MSI2: variants seen among roughly 807,000 people sequenced by gnomAD.
MSI2 encodes musashi RNA binding protein 2.
MSI2 carries 17 observed loss-of-function variants against 45.6 expected under a neutral mutation model. The ratio of observed to expected loss-of-function variants is 0.37; its 90% CI spans 0.26 to 0.56. The LOEUF is 0.56. Ranked by LOEUF, MSI2 falls within the 20% of genes least tolerant of loss-of-function variation. The pLI is 0.77. For missense variants in MSI2, 293 were observed against 444.2 expected (o/e 0.66, Z 3.06); for synonymous variants, 156 against 158.2 (o/e 0.99, Z 0.11).
At chr17:57,474,339 A>T (rs1339256989) in intron 6 of MSI2, among the ~76,000 whole-genome samples, 1 of 152,092 alleles carries the variant, frequency 6.6e-6, no homozygotes, top group Non-Finnish European at 1.5e-5. Context: ...TCCCCCACAA[A>T]ATGACAGAGC....
chr17:57,446,103 C>A (rs1372214905), intron 6 of MSI2, among the ~76,000 whole-genome samples: 1 of 151,910 alleles, frequency 6.6e-6, no homozygotes, highest in Non-Finnish European at 1.5e-5. Flanking sequence ...CCGATCGGTG[C>A]AGAGGAAATG....
intron 5 of MSI2, among the ~76,000 whole-genome samples, chr17:57,386,866 G>T (rs1424567430): frequency 6.6e-6 from 1 of 152,214 alleles, no homozygotes; most frequent in Admixed American, 6.5e-5. Context: ...GGACAAATGA[G>T]GTTTAACTGT....
At chr17:57,279,946 C>T (rs557482677) in intron 5 of MSI2, 1 of 151,706 alleles carries the variant, frequency 6.6e-6, no homozygotes, top group East Asian at 1.9e-4. Flanking sequence ...AGTGCCTGGC[C>T]TGATTCATGA....
intron 6 of MSI2, among the ~76,000 whole-genome samples, chr17:57,458,051 A>C (rs1239159947): frequency 6.6e-6 from 1 of 152,084 alleles, no homozygotes; most frequent in Non-Finnish European, 1.5e-5. Context: ...TATTGCATAT[A>C]TATAAGTACA....
intron 6 of MSI2, among the ~76,000 whole-genome samples, chr17:57,462,974 G>A (rs1227899357): frequency 4.6e-5 from 7 of 152,228 alleles, no homozygotes; most frequent in East Asian, 1.9e-4. Flanking sequence ...GGAGACTCCC[G>A]CTTGGATGTC....
intron 6 of MSI2, among the ~76,000 whole-genome samples, chr17:57,460,879 T>C (rs1598296077): frequency 6.6e-6 from 1 of 151,992 alleles, no homozygotes; most frequent in Non-Finnish European, 1.5e-5. Context: ...AGGCTCTGGG[T>C]GGTGCATTTC....
chr17:57,476,099 A>T (rs2085531805), intron 6 of MSI2, among the ~76,000 whole-genome samples: 1 of 152,322 alleles, frequency 6.6e-6, no homozygotes, highest in South Asian at 2.1e-4. Flanking sequence ...TTGGCACAAA[A>T]GGGCAGTTTA....
At chr17:57,653,049 G>A (rs1598494668) in intron 11 of MSI2, among the ~76,000 whole-genome samples, 1 of 147,982 alleles carries the variant, frequency 6.8e-6, no homozygotes, top group East Asian at 2.2e-4. Context: ...GGGCTCTGGA[G>A]CACCCAGGGA....
intron 6 of MSI2, among the ~76,000 whole-genome samples, chr17:57,510,949 G>A (rs2086341341): frequency 6.6e-6 from 1 of 152,218 alleles, no homozygotes; most frequent in African/African-American, 2.4e-5. Context: ...CTCTCTGGAG[G>A]TGGGAGGGAG....
chr17:57,642,648 G>A (rs955342738), intron 10 of MSI2, among the ~76,000 whole-genome samples: 6 of 152,224 alleles, frequency 3.9e-5, no homozygotes, highest in African/African-American at 1.4e-4. Context: ...CCCCTTTGCT[G>A]TCCACAGCTA....
chr17:57,638,029 G>A (rs1370664949), intron 10 of MSI2, among the ~76,000 whole-genome samples: 1 of 152,314 alleles, frequency 6.6e-6, no homozygotes, highest in East Asian at 1.9e-4. Flanking sequence ...GCAAAAACAC[G>A]TGAAAGGCTG....
At chr17:57,258,415 C>A (rs548733496) in intron 4 of MSI2, 61 bp downstream of exon 4, 1 of 1,370,068 alleles carries the variant, frequency 7.3e-7, no homozygotes, top group East Asian at 2.3e-5. Flanking sequence ...GCATTGACAG[C>A]CCCATTTAAA....
In MSI2 at chr17:57,497,833, A is replaced by G. The variant is rs536375242; in HGVS notation, c.406-31843A>G. ...GTCCGGACAAGCTGATGACAGCGTC[A>G]GCCCTGGTGTTCCCATAGATGCCTA... On this transcript the variant is annotated intron_variant, in intron 6 of 13. Transcript: ENST00000284073. Among the ~76,000 whole-genome samples, 56 of 152,320 alleles carry G rather than the reference A, an allele frequency of 3.7e-4. 1 individual carries two copies. The highest frequency in any genetic ancestry group is 1.3e-3 in the African/African-American group (54 of 41,558).
the MSI2 span, among the ~76,000 whole-genome samples, chr17:57,697,644 C>T: frequency 1.3e-5 from 2 of 152,160 alleles, no homozygotes; most frequent in Non-Finnish European, 2.9e-5. Flanking sequence ...CACGGTCTCA[C>T]GTAGTTGGGG....
intron 7 of MSI2, among the ~76,000 whole-genome samples, chr17:57,547,121 A>T (rs1247443744): frequency 6.6e-6 from 1 of 152,210 alleles, no homozygotes; most frequent in African/African-American, 2.4e-5. Flanking sequence ...CAAGGAGCAG[A>T]TAACAGCAAG....
intron 6 of MSI2, among the ~76,000 whole-genome samples, chr17:57,457,616 C>T (rs1279420068): frequency 6.6e-6 from 1 of 152,084 alleles, no homozygotes; most frequent in Admixed American, 6.6e-5. Flanking sequence ...GAAGTCAGGC[C>T]AGGCACGATA....
chr17:57,268,904 C>T (rs988473432), intron 5 of MSI2, among the ~76,000 whole-genome samples: 22 of 152,128 alleles, frequency 1.4e-4, no homozygotes, highest in African/African-American at 5.1e-4. Flanking sequence ...TTTTGTACAT[C>T]GTGGACTTCC....
intron 9 of MSI2, among the ~76,000 whole-genome samples, chr17:57,621,037 C>G (rs1233919715): frequency 1.3e-5 from 2 of 152,216 alleles, no homozygotes; most frequent in African/African-American, 4.8e-5. Context: ...AGCGAGGAGA[C>G]TGCCATTTGC....
chr17:57,402,955 C>T (rs2084019799), intron 6 of MSI2, among the ~76,000 whole-genome samples: 1 of 152,176 alleles, frequency 6.6e-6, no homozygotes. Context: ...GGGATTTGTC[C>T]ATCACCCAGC....
Sources: allele counts gnomAD v4.1 joint callset (sites outside exome capture counted in the v4.1 genomes callset), GRCh38; gene constraint gnomAD v4.1.1; transcripts MANE v1.5; gene names NCBI Gene and HGNC (gene_info 2026-07-23, HGNC 2026-07-21).